The following MYO7A variants were observed in gnomAD, a reference collection of about 807,000 sequenced individuals.
MYO7A encodes the protein unconventional myosin-VIIa.
Under a neutral mutation model 263.8 loss-of-function variants are expected in MYO7A, and 210 were observed. The observed-to-expected ratio is 0.80, with a 90% CI of 0.71 to 0.89. The LOEUF is 0.89. Ranked by LOEUF, MYO7A falls within the 40% of genes least tolerant of loss-of-function variation. MYO7A has a pLI of 0.00. For synonymous variants in MYO7A, 1,239 were observed against 1,197.3 expected, an observed-to-expected ratio of 1.03 and a Z score of -0.72; for missense variants, 2,820 against 2,968.3, an observed-to-expected ratio of 0.95 and a Z score of 1.16.
At chr11:77,211,463 G>A (rs1957867649) in intron 45 of MYO7A, 126 bp downstream of exon 45, 11 of 1,096,730 alleles carry the variant, frequency 1.0e-5, no homozygotes, top group African/African-American at 3.2e-5. Context: ...TGTACTTGAT[G>A]AGGCCGCCCA....
At chr11:77,180,278 T>C (rs1046873984) in intron 21 of MYO7A, 96 bp from the exon 22 acceptor site, 1 of 595,604 alleles carries the variant, frequency 1.7e-6, no homozygotes, top group Non-Finnish European at 2.6e-6. Flanking sequence ...TCATGCCCAG[T>C]TCCAGAACTC....
rs1412999612 is a variant in MYO7A, at chr11:77,160,976, A to G, written c.1204A>G (p.Ile402Val). The G allele has an allele frequency of 6.3e-7, 1 of 1,598,254 alleles. No homozygotes were observed. ...GTGGCTGATCACTGCCTTTCAGGGG[A>G]TCTACGGGCGGCTGTTCGTGTGGAT... Reference protein sequence around the residue: ...LDVRDAFVKGIYGRLFVWIVD... With the variant: ...LDVRDAFVKGVYGRLFVWIVD... Residue 402 changes from isoleucine to valine, a missense_variant, in exon 12 of 49, where the codon ATC becomes GTC. By Grantham distance (29) the Ile-to-Val change is conservative. Transcript: ENST00000409709.
In MYO7A at chr11:77,181,509, A is replaced by G; in HGVS notation, c.2824A>G (p.Met942Val). The change falls in exon 23 of 49, where the codon ATG becomes GTG. Residue 942 changes from methionine (M) to valine (V), a missense_variant. Met to Val is a conservative substitution (Grantham distance 21). Transcript: ENST00000409709. ...CCATGAGCCTGTCAATCACTCAGACATGGTGGACAAGATGTTTGGCTTCCT... is the reference window on the plus strand; with the variant it reads ...CCATGAGCCTGTCAATCACTCAGACGTGGTGGACAAGATGTTTGGCTTCCT... ...ARHEPVNHSDMVDKMFGFLGT... is the reference protein window; with the variant it reads ...ARHEPVNHSDVVDKMFGFLGT... 1 of 1,613,562 alleles carries G rather than the reference A, an allele frequency of 6.2e-7. No homozygotes were observed.
At chr11:77,193,547 A>G (rs1172730451) in intron 31 of MYO7A, among the ~76,000 whole-genome samples, 2 of 151,288 alleles carry the variant, frequency 1.3e-5, no homozygotes, top group Non-Finnish European at 2.9e-5. Flanking sequence ...GTGATGGTGG[A>G]GGTAGTGGTG....
intron 46 of MYO7A, chr11:77,212,589 G>A: frequency 2.7e-6 from 1 of 367,714 alleles, no homozygotes; most frequent in Non-Finnish European, 5.2e-6. Context: ...TGGTGTGAGA[G>A]GATACGTATG....
At position 77,189,330 on chromosome 11, in the gene MYO7A, T is replaced by C. The variant is rs781916085; in HGVS notation, c.3504-14T>C. 2.5e-6 allele frequency: 4 copies of C among 1,612,648 alleles called. No homozygotes were observed. Among genetic ancestry groups the C allele is most frequent in the Non-Finnish European group, 3.4e-6 (4 of 1,179,854 alleles). On this transcript the variant is annotated splice_polypyrimidine_tract_variant and intron_variant, in intron 27 of 48. Transcript: ENST00000409709. ...TGGGGTGATTCCCCCTCCCTTGCCC[T>C]GCTGCCTGCCCAGGGACGAGATCTA...
At position 77,189,344 on chromosome 11, in the gene MYO7A, G is replaced by A. The variant is rs1273474751; in HGVS notation, c.3504G>A (p.Arg1168=). 6.2e-7 allele frequency: 1 copy of A among 1,613,026 alleles called. No homozygotes were observed. Among genetic ancestry groups the A allele is most frequent in the Non-Finnish European group, 8.5e-7 (1 of 1,179,854 alleles). ...IGNGILRPAL[R]DEIYCQISKQ... is the part of the protein sequence containing the mutation. ...CTCCCTTGCCCTGCTGCCTGCCCAG[G>A]GACGAGATCTACTGCCAGATCAGCA... The change falls in exon 28 of 49, where the codon CGG becomes CGA. Residue 1168 remains arginine (R), a splice_region_variant and synonymous_variant. Transcript: ENST00000409709.
Position 77,177,587 on chromosome 11 carries a change from AG to A in MYO7A, c.2227del (p.Ala743ProfsTer23), listed in dbSNP as rs1954752761. 1.9e-6 allele frequency: 3 copies of A among 1,612,172 alleles called. No homozygotes were observed. In the African/African-American group the frequency reaches 4.0e-5, roughly 22 times the overall value. ...TGCTGCTGGAAGTGGAGCGGGACAA[AG>A]CCATCACCGACAGAGTCATCCTCCT... ...DMLLEVERDKAITDRVILLQK... is the reference protein window; with the variant it reads ...DMLLEVERDKXITDRVILLQK... On this transcript the variant is annotated frameshift_variant, in exon 19 of 49. Transcript: ENST00000409709. LOFTEE classifies it high-confidence loss of function.
At position 77,143,539 on chromosome 11, in the gene MYO7A, C is replaced by T. The variant is rs180767847; in HGVS notation, c.132+717C>T. 1.7e-4 allele frequency among the ~76,000 whole-genome samples: 26 copies of T among 152,334 alleles called. No homozygotes were observed. In the East Asian group the frequency reaches 3.9e-3, roughly 23 times the overall value. On this transcript the variant is annotated intron_variant, in intron 3 of 48. Transcript: ENST00000409709. The stretch of plus-strand genomic sequence containing the variant: ...GAGGTCTGAAGTCAGGGGCCTGCCC[C>T]GGAGAAGGTGGCTGGTTCACGTGAG...
chr11:77,179,275 T>C, intron 20 of MYO7A, 146 bp downstream of exon 20: 1 of 673,678 alleles, frequency 1.5e-6, no homozygotes, highest in Non-Finnish European at 2.5e-6. Context: ...CTACCATTCC[T>C]CCAGACCGAA....
At chr11:77,160,863 G>A (rs1328852911) in intron 11 of MYO7A, 110 bp from the exon 12 acceptor site, 5 of 1,287,570 alleles carry the variant, frequency 3.9e-6, no homozygotes, top group African/African-American at 1.5e-5. Context: ...GTTTCACACG[G>A]CACTTTGTTC....
Position 77,157,024 on chromosome 11 carries a change from A to T in MYO7A, c.735+20A>T, listed in dbSNP as rs781854218. The stretch of plus-strand genomic sequence containing the variant: ...CGCCAGGTGGGCCTGAGCCCCAGGG[A>T]TGCAGGAATAGACCCAGGCCCCTGG... On this transcript the variant is annotated intron_variant, in intron 7 of 48. Transcript: ENST00000409709. The T allele has an allele frequency of 3.7e-6, 6 of 1,609,018 alleles. No homozygotes were observed. The highest frequency in any genetic ancestry group is 5.1e-6 in the Non-Finnish European group (6 of 1,178,004).
At chr11:77,175,635 A>C (rs1954585002) in intron 18 of MYO7A, among the ~76,000 whole-genome samples, 171 bp downstream of exon 18, 1 of 151,948 alleles carries the variant, frequency 6.6e-6, no homozygotes, top group Non-Finnish European at 1.5e-5. Context: ...GGGGAAGGGT[A>C]ATTTGGTGTT....
chr11:77,157,137 C>G, intron 7 of MYO7A, 133 bp downstream of exon 7: 1 of 1,426,138 alleles, frequency 7.0e-7, no homozygotes, highest in Non-Finnish European at 9.7e-7. Context: ...TCCCTCTGTG[C>G]TGGAAATCCC....
In MYO7A at chr11:77,211,946, T is replaced by A; in HGVS notation, c.6354+9T>A. 1 of 1,603,138 alleles carries A rather than the reference T, an allele frequency of 6.2e-7. No individual in the cohort carries two copies. Among genetic ancestry groups the A allele is most frequent in the Non-Finnish European group, 8.5e-7 (1 of 1,170,212 alleles). On this transcript the variant is annotated intron_variant, in intron 46 of 48. Coordinates refer to ENST00000409709, the MANE Select transcript of MYO7A (RefSeq NM_000260.4). ...CCTTCTTCGAGGTGAAGGTACACCATGGGCTTCTCAGAGCAGAGGAGGAGG... is the reference window on the plus strand; with the variant it reads ...CCTTCTTCGAGGTGAAGGTACACCAAGGGCTTCTCAGAGCAGAGGAGGAGG...
At position 77,211,139 on chromosome 11, in the gene MYO7A, C is replaced by G. The variant is rs760829628; in HGVS notation, c.6052-13C>G. ...GGTCCCTGCACGCCTGTGACCTGCT[C>G]TGTCTCTGACAGGAGTTGCCCAAGT... On this transcript the variant is annotated splice_polypyrimidine_tract_variant and intron_variant, in intron 44 of 48. Coordinates refer to ENST00000409709, the MANE Select transcript of MYO7A (RefSeq NM_000260.4). The G allele has an allele frequency of 5.8e-6, 9 of 1,556,914 alleles. No homozygotes were observed. The highest frequency in any genetic ancestry group is 2.4e-5 in the East Asian group (1 of 41,956).
chr11:77,182,270 C>T, intron 24 of MYO7A, 116 bp downstream of exon 24: 6 of 1,458,016 alleles, frequency 4.1e-6, no homozygotes, highest in African/African-American at 2.8e-5. Context: ...GGGCCAGGGA[C>T]CAGGTCTGAC....
At position 77,162,273 on chromosome 11, in the gene MYO7A, T is replaced by C. The variant is rs1555069544; in HGVS notation, c.1497T>C (p.Ile499=). The change falls in exon 13 of 49, where the codon ATT becomes ATC. Residue 499 remains isoleucine, a synonymous_variant. Coordinates refer to ENST00000409709, the MANE Select transcript of MYO7A (RefSeq NM_000260.4). ...FTDNQDALDM[I]ANKPMNIISL... ...ACAACCAGGATGCCCTGGACATGAT[T>C]GCCAACAAGCCCATGAACATCATCT... is the stretch of plus-strand genomic sequence containing the variant. 1 of 1,554,048 alleles carries C rather than the reference T, an allele frequency of 6.4e-7. No homozygotes were observed.
chr11:77,180,711 C>T (rs1955104205), intron 22 of MYO7A, among the ~76,000 whole-genome samples: 1 of 152,222 alleles, frequency 6.6e-6, no homozygotes, highest in African/African-American at 2.4e-5. Flanking sequence ...CCCAGGCCCT[C>T]AGCAGCCCCT....
Sources: allele counts gnomAD v4.1 joint callset (sites outside exome capture counted in the v4.1 genomes callset), GRCh38; gene constraint gnomAD v4.1.1; transcripts MANE v1.5; gene names NCBI Gene and HGNC (gene_info 2026-07-23, HGNC 2026-07-21).